Variants in CTNNA3 observed in about 807,000 individuals in gnomAD.
The protein encoded by CTNNA3 is catenin alpha-3.
A neutral mutation model predicts 95.7 loss-of-function variants in CTNNA3; 76 were observed. The observed-to-expected ratio is 0.79, with a 90% CI of 0.66 to 0.96. The LOEUF is 0.96. Ranked by LOEUF, CTNNA3 falls within the 40% of genes least tolerant of loss-of-function variation. The pLI is 0.00. For synonymous variants in CTNNA3, 431 were observed against 374.4 expected (o/e 1.15, Z -1.74); for missense variants, 1,191 against 1,089.8 (o/e 1.09, Z -1.31).
chr10:67,479,451 C>T (rs1848137829), intron 5 of CTNNA3, among the ~76,000 whole-genome samples: 1 of 152,092 alleles, frequency 6.6e-6, no homozygotes, highest in Non-Finnish European at 1.5e-5. Flanking sequence ...AAGGAGACCT[C>T]TCAAAACCAC....
chr10:66,186,166 G>A (rs988506074), intron 13 of CTNNA3, among the ~76,000 whole-genome samples: 4 of 151,942 alleles, frequency 2.6e-5, no homozygotes, highest in Non-Finnish European at 4.4e-5. Flanking sequence ...TTGAGGCAAT[G>A]GATATGCTAA....
At chr10:66,143,068 T>A (rs1193366258) in intron 13 of CTNNA3, among the ~76,000 whole-genome samples, 1 of 152,060 alleles carries the variant, frequency 6.6e-6, no homozygotes, top group Admixed American at 6.6e-5. Context: ...TGGAAAAATA[T>A]TTTAATATAT....
chr10:67,419,794 A>G (rs1265306999), intron 5 of CTNNA3, among the ~76,000 whole-genome samples: 1 of 152,242 alleles, frequency 6.6e-6, no homozygotes, highest in African/African-American at 2.4e-5. Flanking sequence ...AGCTATATTC[A>G]CATAATCCCT....
intron 11 of CTNNA3, among the ~76,000 whole-genome samples, chr10:66,458,626 T>C (rs1423339090): frequency 6.6e-6 from 1 of 152,186 alleles, no homozygotes. Context: ...TTCTATTTTC[T>C]GCCTCTACGG....
chr10:66,471,668 A>G (rs566205264), intron 11 of CTNNA3, among the ~76,000 whole-genome samples: 2 of 152,062 alleles, frequency 1.3e-5, no homozygotes, highest in African/African-American at 4.8e-5. Context: ...ACATATGCTT[A>G]CCTAGTGACA....
intron 5 of CTNNA3, among the ~76,000 whole-genome samples, chr10:67,260,334 A>G (rs1405241584): frequency 6.6e-6 from 1 of 152,218 alleles, no homozygotes; most frequent in Non-Finnish European, 1.5e-5. Flanking sequence ...AAAGGATTCA[A>G]AACACTATGA....
chr10:67,032,011 G>A (rs1471750338), intron 7 of CTNNA3, among the ~76,000 whole-genome samples: 2 of 152,082 alleles, frequency 1.3e-5, no homozygotes, highest in Non-Finnish European at 2.9e-5. Flanking sequence ...TATATAAAAT[G>A]GTTTATGGCC....
chr10:66,789,723 G>A (rs1840893249), intron 7 of CTNNA3, among the ~76,000 whole-genome samples: 1 of 152,112 alleles, frequency 6.6e-6, no homozygotes, highest in Admixed American at 6.5e-5. Flanking sequence ...CGGATATTGT[G>A]TATGAAGTAG....
At chr10:66,765,049 T>G (rs1212425011) in intron 9 of CTNNA3, among the ~76,000 whole-genome samples, 1 of 152,096 alleles carries the variant, frequency 6.6e-6, no homozygotes, top group African/African-American at 2.4e-5. Context: ...TCTTGGGAAA[T>G]TCAAAGAAGA....
chr10:66,873,125 T>C (rs1844478625), intron 7 of CTNNA3, among the ~76,000 whole-genome samples: 1 of 152,212 alleles, frequency 6.6e-6, no homozygotes, highest in South Asian at 2.1e-4. Flanking sequence ...ATTTCATGTT[T>C]TTGCTATTGT....
chr10:67,138,263 C>G (rs1860390150), intron 7 of CTNNA3, among the ~76,000 whole-genome samples: 2 of 152,090 alleles, frequency 1.3e-5, no homozygotes, highest in South Asian at 4.1e-4. Flanking sequence ...GTCCCATAAA[C>G]AAAGAAGCCA....
At chr10:66,989,394 C>G (rs1344655531) in intron 7 of CTNNA3, among the ~76,000 whole-genome samples, 1 of 152,124 alleles carries the variant, frequency 6.6e-6, no homozygotes, top group African/African-American at 2.4e-5. Context: ...CAAAATCTTG[C>G]TTCTTGATTA....
At chr10:67,543,578 G>T (rs563384015) in intron 3 of CTNNA3, among the ~76,000 whole-genome samples, 1 of 151,986 alleles carries the variant, frequency 6.6e-6, no homozygotes, top group Non-Finnish European at 1.5e-5. Flanking sequence ...ATGAAAAGGG[G>T]CAGGTACTAA....
intron 5 of CTNNA3, among the ~76,000 whole-genome samples, chr10:67,318,251 A>C (rs921917084): frequency 6.6e-6 from 1 of 152,144 alleles, no homozygotes; most frequent in Non-Finnish European, 1.5e-5. Context: ...TATCAACTAC[A>C]TTAATAATTA....
At chr10:67,600,584 A>G (rs1161027625) in intron 3 of CTNNA3, among the ~76,000 whole-genome samples, 2 of 152,222 alleles carry the variant, frequency 1.3e-5, no homozygotes, top group Non-Finnish European at 2.9e-5. Context: ...AAGTTCACCA[A>G]GTTCACAAGA....
chr10:66,207,044 A>C (rs2087804377), intron 13 of CTNNA3, among the ~76,000 whole-genome samples: 1 of 151,888 alleles, frequency 6.6e-6, no homozygotes, highest in Admixed American at 6.6e-5. Flanking sequence ...GCATCTCAGA[A>C]CTGGGTATGA....
At chr10:66,156,194 C>T (rs1173893704) in intron 13 of CTNNA3, among the ~76,000 whole-genome samples, 1 of 151,846 alleles carries the variant, frequency 6.6e-6, no homozygotes, top group African/African-American at 2.4e-5. Flanking sequence ...TATTCTCCCT[C>T]ATATATCCCA....
intron 7 of CTNNA3, among the ~76,000 whole-genome samples, chr10:67,172,379 A>G (rs1334101131): frequency 1.3e-5 from 2 of 152,226 alleles, no homozygotes; most frequent in Non-Finnish European, 2.9e-5. Flanking sequence ...AGAATTATGT[A>G]ACTAGAAATG....
chr10:65,921,678 G>T (rs1265769677), intron 17 of CTNNA3, among the ~76,000 whole-genome samples: 1 of 152,310 alleles, frequency 6.6e-6, no homozygotes, highest in East Asian at 1.9e-4. Flanking sequence ...AGGGCAGTGT[G>T]AACTGCCATG....
Sources: allele counts gnomAD v4.1 joint callset (sites outside exome capture counted in the v4.1 genomes callset), GRCh38; gene constraint gnomAD v4.1.1; transcripts MANE v1.5; gene names NCBI Gene and HGNC (gene_info 2026-07-23, HGNC 2026-07-21).